The following REPIN1 variants were observed in gnomAD, a reference collection of about 807,000 sequenced individuals.
REPIN1 encodes the protein replication initiator 1.
A neutral mutation model predicts 5.7 loss-of-function variants in REPIN1; 4 were observed. The ratio of observed to expected loss-of-function variants is 0.71; its 90% confidence interval spans 0.35 to 1.62. The LOEUF (loss-of-function observed/expected upper bound fraction) is 1.62. Among genes scored for constraint, REPIN1 ranks in the 40% most tolerant of loss-of-function variants. REPIN1 has a pLI of 0.05. For synonymous variants in REPIN1, 410 were observed against 386.2 expected (o/e 1.06, Z -0.72); for missense variants, 854 against 901.0 (o/e 0.95, Z 0.67).
chr7:150,368,888 C>G lies in REPIN1; in HGVS notation c.-95C>G. 2.9e-6 allele frequency: 1 copy of G among 341,844 alleles called. No individual in the cohort carries two copies. Among genetic ancestry groups the G allele is most frequent in the East Asian group, 4.6e-5 (1 of 21,542 alleles). The allele number at this position is 341,844 out of a possible 1,614,324, so 21.2% of individuals were successfully genotyped here. On this transcript the variant is annotated 5_prime_UTR_variant, in exon 1 of 3. Transcript: ENST00000489432. ...GGGAGCGAGAGTGGGCCGCGGAGGC[C>G]GGCCTTCGGGCTCCATGGACGGGCG...
At position 150,370,463 on chromosome 7, in the gene REPIN1, C is replaced by G. The variant is rs756607613; in HGVS notation, c.157+595C>G. The G allele has an allele frequency of 7.0e-6, 3 of 429,534 alleles. No homozygotes were observed. The Admixed American group carries it at 1.1e-4, about 16-fold the overall frequency. The allele number at this position is 429,534 out of a possible 1,614,324, so 26.6% of individuals were successfully genotyped here. A position where few individuals can be genotyped will look rare whatever the true frequency, so the allele number is the denominator to read the frequency against. The stretch of plus-strand genomic sequence containing the variant: ...TCTGGCGTTAGACTGCCGGGAGTAG[C>G]ACCCAGGGCTCTGCTCCTGTTCCCC... On this transcript the variant is annotated intron_variant, in intron 2 of 2. Coordinates refer to ENST00000489432, the MANE Select transcript of REPIN1 (RefSeq NM_001099695.2).
chr7:150,372,864 C>G lies in REPIN1; in HGVS notation c.1794C>G (p.Gly598=), dbSNP rs1225817554. Reference sequence around the variant, plus strand: ...ACCGCAAGAGCCACATCCGGGACGGCGCCTTCTGCTGTGCCATCTGTGGCC... The same window carrying G: ...ACCGCAAGAGCCACATCCGGGACGGGGCCTTCTGCTGTGCCATCTGTGGCC... ...ITHRKSHIRD[G]AFCCAICGQT... The change falls in exon 3 of 3, where the codon GGC becomes GGG. Residue 598 remains glycine, a synonymous_variant. Coordinates refer to ENST00000489432, the MANE Select transcript of REPIN1 (RefSeq NM_001099695.2). The G allele has an allele frequency of 1.2e-5, 19 of 1,613,132 alleles. No homozygotes were observed. Among genetic ancestry groups the G allele is most frequent in the Non-Finnish European group, 1.5e-5 (18 of 1,180,026 alleles).
chr7:150,369,443 C>T (rs1490754618), intron 1 of REPIN1: 7 of 513,634 alleles, frequency 1.4e-5, no homozygotes, highest in Non-Finnish European at 2.5e-5. Context: ...CGTGACCTTA[C>T]CAGGGAAGAA....
chr7:150,372,730 A>T lies in REPIN1; in HGVS notation c.1660A>T (p.Ser554Cys). Residue 554 changes from serine (S) to cysteine (C), a missense_variant, in exon 3 of 3, where the codon AGC becomes TGC. Physicochemically the swap from Ser to Cys is moderately radical, Grantham distance 112. This residue lies in a region of REPIN1 where 101 missense variants were observed against 124.7 expected (regional missense o/e 0.81). Coordinates refer to ENST00000489432, the MANE Select transcript of REPIN1 (RefSeq NM_001099695.2). Reference sequence around the variant, plus strand: ...CTGCCCCGACTGCGGCAAAGCCTTCAGCCAGAAGTCCAACCTGGTGTCGCA... The same window carrying T: ...CTGCCCCGACTGCGGCAAAGCCTTCTGCCAGAAGTCCAACCTGGTGTCGCA... Reference protein sequence around the residue: ...YVCPDCGKAFSQKSNLVSHRR... With the variant: ...YVCPDCGKAFCQKSNLVSHRR... 3 of 1,611,326 alleles carry T rather than the reference A, an allele frequency of 1.9e-6. No homozygotes were observed. Among genetic ancestry groups the T allele is most frequent in the Non-Finnish European group, 2.5e-6 (3 of 1,179,590 alleles).
At chr7:150,370,379 T>G (rs529286873) in intron 2 of REPIN1, 98 of 303,970 alleles carry the variant, frequency 3.2e-4, no homozygotes, top group African/African-American at 2.0e-3. Context: ...ATGTCCTAAT[T>G]TGTGTGGGTG....
At chr7:150,369,273 A>C in intron 1 of REPIN1, 1 of 404,528 alleles carries the variant, frequency 2.5e-6, no homozygotes, top group South Asian at 4.0e-5. Context: ...TGGTCACACC[A>C]GCTGGCCCTG....
rs755342857 is a variant in REPIN1 at position 150,371,898 on chromosome 7, C to T, written c.828C>T (p.Arg276=). 28 of 1,607,204 alleles carry T rather than the reference C, an allele frequency of 1.7e-5. No individual in the cohort carries two copies. The highest frequency in any genetic ancestry group is 2.0e-5 in the Non-Finnish European group (23 of 1,178,054). Residue 276 remains arginine, a synonymous_variant, in exon 3 of 3, where the codon CGC becomes CGT. Transcript: ENST00000489432. ...CTCTGGGGCCCCGGCCCAGGGGCCG[C>T]CCCGCGGTGACCGCCCCCCGGCCCG... The part of the protein sequence containing the change: ...AKALGPRPRG[R]PAVTAPRPGG...
rs1254158143 is a variant in REPIN1, at chr7:150,371,949, C to T, written c.879C>T (p.Phe293=). The stretch of plus-strand genomic sequence containing the variant: ...GTGGAGATGCCGTCGACCGCCCCTT[C>T]CAGTGTGCCTGTTGTGGCAAGCGCT... ...RPGGDAVDRP[F]QCACCGKRFR... The change falls in exon 3 of 3, where the codon TTC becomes TTT. Residue 293 remains phenylalanine (F), a synonymous_variant. Coordinates refer to ENST00000489432, the MANE Select transcript of REPIN1 (RefSeq NM_001099695.2). 1 of 1,609,728 alleles carries T rather than the reference C, an allele frequency of 6.2e-7. No individual in the cohort carries two copies. The highest frequency in any genetic ancestry group is 8.5e-7 in the Non-Finnish European group (1 of 1,179,594).
chr7:150,372,102 C>T lies in REPIN1; in HGVS notation c.1032C>T (p.Thr344=). Residue 344 remains threonine (T), a synonymous_variant, in exon 3 of 3, where the codon ACC becomes ACT. Coordinates refer to ENST00000489432, the MANE Select transcript of REPIN1 (RefSeq NM_001099695.2). ...TGACTTCGCACCGGCGCATCCACAC[C>T]GGCGAGAAGCCCTACCCGTGCAAAG... ...PYLTSHRRIH[T]GEKPYPCKEC... The T allele has an allele frequency of 6.2e-7, 1 of 1,612,164 alleles. No individual in the cohort carries two copies. Among genetic ancestry groups the T allele is most frequent in the East Asian group, 2.2e-5 (1 of 44,806 alleles).
At chr7:150,369,906 A>C (rs540274235) in intron 2 of REPIN1, 38 bp downstream of exon 2, 1 of 1,547,220 alleles carries the variant, frequency 6.5e-7, no homozygotes, top group Non-Finnish European at 8.7e-7. Flanking sequence ...AAACCACGCC[A>C]CAACAGGGGT....
chr7:150,372,985 G>T lies in REPIN1; in HGVS notation c.*40G>T. On this transcript the variant is annotated 3_prime_UTR_variant, in exon 3 of 3. Coordinates refer to ENST00000489432, the MANE Select transcript of REPIN1 (RefSeq NM_001099695.2). ...CCGTGTTGGCTGAGAGAGGGCTGGG[G>T]TCCTTCGTGGTGGGAGTCGCAGTGG... is the stretch of plus-strand genomic sequence containing the variant. 2 of 1,581,310 alleles carry T rather than the reference G, an allele frequency of 1.3e-6. No homozygotes were observed. The highest frequency in any genetic ancestry group is 1.7e-6 in the Non-Finnish European group (2 of 1,162,626).
At chr7:150,371,098 T>C (rs1222451229) in intron 2 of REPIN1, 130 bp from the exon 3 acceptor site, 5 of 971,098 alleles carry the variant, frequency 5.1e-6, no homozygotes, top group Non-Finnish European at 6.0e-6. Flanking sequence ...AACAGGAGAG[T>C]AGTCTAGCTC....
Position 150,371,503 on chromosome 7 carries a change from C to A in REPIN1, c.433C>A (p.Pro145Thr), listed in dbSNP as rs11553624. The change falls in exon 3 of 3, where the codon CCT becomes ACT. Residue 145 changes from proline (P) to threonine (T), a missense_variant. By Grantham distance (38) the Pro-to-Thr change is conservative (BLOSUM62 -1). Transcript: ENST00000489432. The stretch of plus-strand genomic sequence containing the variant: ...CCAGGCCCGGCTGCCCTTGCCCTGC[C>A]CTGAGTGTGGCCGTCGCTTTCGCCA... ...RCQARLPLPC[P>T]ECGRRFRHAP... 7 of 1,606,866 alleles carry A rather than the reference C, an allele frequency of 4.4e-6. No homozygotes were observed. In the African/African-American group the frequency reaches 6.7e-5, roughly 15 times the overall value.
chr7:150,372,809 G>T lies in REPIN1; in HGVS notation c.1739G>T (p.Ser580Ile). Reference sequence around the variant, plus strand: ...TACGCCTGTCCCGACTGCGACCGCAGCTTCAGCCAGAAGTCCAACCTCATC... The same window carrying T: ...TACGCCTGTCCCGACTGCGACCGCATCTTCAGCCAGAAGTCCAACCTCATC... The part of the protein sequence containing the change: ...RPYACPDCDR[S>I]FSQKSNLITH... The change falls in exon 3 of 3, where the codon AGC becomes ATC. Residue 580 changes from serine (S) to isoleucine (I), a missense_variant. By Grantham distance (142) the Ser-to-Ile change is moderately radical. Coordinates refer to ENST00000489432, the MANE Select transcript of REPIN1 (RefSeq NM_001099695.2). 1 of 1,612,314 alleles carries T rather than the reference G, an allele frequency of 6.2e-7. No homozygotes were observed.
rs751784360 is a variant in REPIN1, at chr7:150,371,230, G to C, written c.160G>C (p.Glu54Gln). The C allele has an allele frequency of 2.8e-5, 44 of 1,587,392 alleles. No individual in the cohort carries two copies. Among genetic ancestry groups the C allele is most frequent in the Non-Finnish European group, 1.7e-6 (2 of 1,166,098 alleles). The change falls in exon 3 of 3, where the codon GAG (glutamate) becomes CAG (glutamine). Residue 54 changes from glutamate to glutamine, a missense_variant and splice_region_variant. This residue lies in a region of REPIN1 where 409 missense variants were observed against 418.6 expected (regional missense o/e 0.98). Coordinates refer to ENST00000489432, the MANE Select transcript of REPIN1 (RefSeq NM_001099695.2). ...TGACTGTGCTTTTCCACCCTCAGCA[G>C]AGGAAGAACCGATGCTGGAACGTCG... ...PHPQLCSLQA[E>Q]EEPMLERRCR...
Position 150,371,368 on chromosome 7 carries a change from A to T in REPIN1, c.298A>T (p.Thr100Ser), listed in dbSNP as rs1366320892. The T allele has an allele frequency of 6.3e-7, 1 of 1,592,548 alleles. No homozygotes were observed. The highest frequency in any genetic ancestry group is 1.1e-5 in the South Asian group (1 of 88,532). The stretch of plus-strand genomic sequence containing the variant: ...GTCCCGCGGGCTGAGGCAACAAGGC[A>T]CGTCAGTGGCCCAGTCTGGTGCCCA... ...KESRGLRQQG[T>S]SVAQSGAQAP... The change falls in exon 3 of 3, where the codon ACG (threonine) becomes TCG (serine). Residue 100 changes from threonine (T) to serine (S), a missense_variant. Thr to Ser is a moderately conservative substitution (Grantham distance 58). Transcript: ENST00000489432.
Position 150,372,041 on chromosome 7 carries a change from C to T in REPIN1, c.971C>T (p.Pro324Leu). 1 of 1,612,168 alleles carries T rather than the reference C, an allele frequency of 6.2e-7. No individual in the cohort carries two copies. The highest frequency in any genetic ancestry group is 8.5e-7 in the Non-Finnish European group (1 of 1,179,664). ...ACGGGCGAGCGGCCCCACCAGTGCC[C>T]CGAGTGCGGGAAGCGCTTTACCAAT... The part of the protein sequence containing the change: ...VHTGERPHQC[P>L]ECGKRFTNKP... The change falls in exon 3 of 3, where the codon CCC becomes CTC. Residue 324 changes from proline to leucine, a missense_variant. Physicochemically the swap from Pro to Leu is moderately conservative, Grantham distance 98. Coordinates refer to ENST00000489432, the MANE Select transcript of REPIN1 (RefSeq NM_001099695.2).
rs1799809794 is a variant in REPIN1 at position 150,371,876 on chromosome 7, T to C, written c.806T>C (p.Leu269Pro). ...EALEEAAAKA[L>P]GPRPRGRPAV... is the part of the protein sequence containing the mutation. ...CTGGAGGAGGCCGCAGCCAAGGCTCTGGGGCCCCGGCCCAGGGGCCGCCCC... is the reference window on the plus strand; with the variant it reads ...CTGGAGGAGGCCGCAGCCAAGGCTCCGGGGCCCCGGCCCAGGGGCCGCCCC... The change falls in exon 3 of 3, where the codon CTG becomes CCG. Residue 269 changes from leucine (L) to proline (P), a missense_variant. Around this residue, in one of 5 missense-constraint regions of REPIN1, gnomAD observed 409 missense variants for 418.6 expected, o/e 0.98. Transcript: ENST00000489432. 1.9e-5 allele frequency: 30 copies of C among 1,605,674 alleles called. No homozygotes were observed. Among genetic ancestry groups the C allele is most frequent in the Non-Finnish European group, 2.5e-5 (29 of 1,176,782 alleles).
Position 150,372,931 on chromosome 7 carries a change from A to C in REPIN1, c.1861A>C (p.Lys621Gln), listed in dbSNP as rs760355972. ...GGAGAGACTCCTGGCCCACCAGAAG[A>C]AGCACGATGTCTGAGACGGTGGGCG... ...DEERLLAHQK[K>Q]HDV The change falls in exon 3 of 3, where the codon AAG becomes CAG. Residue 621 changes from lysine (K) to glutamine (Q), a missense_variant. By Grantham distance (53) the Lys-to-Gln change is moderately conservative (BLOSUM62 1). This residue lies in a region of REPIN1 where 101 missense variants were observed against 124.7 expected (regional missense o/e 0.81). Transcript: ENST00000489432. 75 of 1,612,664 alleles carry C rather than the reference A, an allele frequency of 4.7e-5. No homozygotes were observed. Among genetic ancestry groups the C allele is most frequent in the Non-Finnish European group, 6.1e-5 (72 of 1,179,576 alleles).
Sources: gnomAD v4.1 joint callset for allele counts on GRCh38, gnomAD v4.1.1 for gene constraint, gnomAD v4.1.1 regional missense constraint, MANE v1.5 for transcripts, NCBI Gene and HGNC (gene_info 2026-07-23, HGNC 2026-07-21) for gene names.